Variants in ZNRF1 observed in about 807,000 individuals in gnomAD.
The protein encoded by ZNRF1 is zinc and ring finger 1.
Under a neutral mutation model 18.4 loss-of-function variants are expected in ZNRF1, and 3 were observed. The observed-to-expected ratio is 0.16, with a 90% confidence interval of 0.07 to 0.42. The LOEUF is 0.42. Ranked by LOEUF, ZNRF1 falls within the 10% of genes least tolerant of loss-of-function variation. The pLI, the probability that ZNRF1 is intolerant of heterozygous loss-of-function variation, is 0.99. For synonymous variants in ZNRF1, 157 were observed against 144.2 expected, an observed-to-expected ratio of 1.09 and a Z score of -0.64; for missense variants, 310 against 329.8, an observed-to-expected ratio of 0.94 and a Z score of 0.47.
At chr16:75,088,873 A>C (rs1364631970) in intron 1 of ZNRF1, among the ~76,000 whole-genome samples, 1 of 152,220 alleles carries the variant, frequency 6.6e-6, no homozygotes, top group East Asian at 1.9e-4. Context: ...GCAGAGGTTA[A>C]AGAGAGACTG....
At chr16:75,072,184 C>G (rs939375398) in intron 1 of ZNRF1, among the ~76,000 whole-genome samples, 1 of 152,008 alleles carries the variant, frequency 6.6e-6, no homozygotes, top group African/African-American at 2.4e-5. Context: ...GTTGCCCTGG[C>G]TGGTCTCGAA....
intron 1 of ZNRF1, among the ~76,000 whole-genome samples, chr16:75,009,513 C>G (rs1157658176): frequency 6.6e-6 from 1 of 152,178 alleles, no homozygotes; most frequent in African/African-American, 2.4e-5. Flanking sequence ...CCACGTTTTA[C>G]TTTTCCATTC....
At chr16:75,095,850 G>GT in intron 2 of ZNRF1, 1 of 1,179,530 alleles carries the variant, frequency 8.5e-7, no homozygotes, top group South Asian at 2.2e-5. Context: ...GGCGCTGTTG[G>GT]TTTACCCCCC....
chr16:75,078,221 G>C (rs1476133575), intron 1 of ZNRF1, among the ~76,000 whole-genome samples: 1 of 151,454 alleles, frequency 6.6e-6, no homozygotes, highest in Non-Finnish European at 1.5e-5. Flanking sequence ...CTGTAGCTCT[G>C]AGCCCAGATC....
At chr16:75,022,382 TG>T (rs2035162822) in intron 1 of ZNRF1, among the ~76,000 whole-genome samples, 1 of 151,234 alleles carries the variant, frequency 6.6e-6, no homozygotes, top group South Asian at 2.1e-4. Context: ...GCTAACATGG[TG>T]AAACCCCGTC....
rs1168944076 is a variant in ZNRF1 at position 75,039,377 on chromosome 16, C to T, written c.424+39282C>T. Among the ~76,000 whole-genome samples the T allele has an allele frequency of 2.6e-5, 4 of 152,096 alleles. No homozygotes were observed. In the East Asian group the frequency reaches 7.7e-4, roughly 29 times the overall value. On this transcript the variant is annotated intron_variant, in intron 1 of 4. Transcript: ENST00000335325. Reference sequence around the variant, plus strand: ...ATTTAGGGAGGCCAAAGGCAGAACCCTAAAGACTTTAGAACCACTTAAAAT... The same window carrying T: ...ATTTAGGGAGGCCAAAGGCAGAACCTTAAAGACTTTAGAACCACTTAAAAT...
chr16:75,047,507 G>T lies in ZNRF1; in HGVS notation c.425-46065G>T, dbSNP rs531859180. On this transcript the variant is annotated intron_variant, in intron 1 of 4. Transcript: ENST00000335325. ...CAAGGGGCAGTTAACTTGATTCCAC[G>T]TTTCCGTGGTTAGAAATAGAGTCAC... Among the ~76,000 whole-genome samples, 19 of 152,338 alleles carry T rather than the reference G, an allele frequency of 1.2e-4. 1 individual carries two copies. In the South Asian group the frequency reaches 3.9e-3, roughly 32 times the overall value.
chr16:75,097,467 C>T (rs2036212623), intron 2 of ZNRF1, among the ~76,000 whole-genome samples: 1 of 152,172 alleles, frequency 6.6e-6, no homozygotes, highest in South Asian at 2.1e-4. Context: ...TTCCTCCCCT[C>T]TGCCAAAGGC....
rs376990354 is a variant in ZNRF1 at position 75,000,861 on chromosome 16, C to A, written c.424+766C>A. 1.5e-4 allele frequency among the ~76,000 whole-genome samples: 23 copies of A among 152,294 alleles called. 2 individuals carry two copies. The highest frequency in any genetic ancestry group is 1.0e-3 in the South Asian group (5 of 4,818). The stretch of plus-strand genomic sequence containing the variant: ...TCTTTTTGTAACAGGGAGCCTGTCA[C>A]GGTGGGGCATTATTGCCTGGCTGTT... On this transcript the variant is annotated intron_variant, in intron 1 of 4. Transcript: ENST00000335325.
intron 1 of ZNRF1, among the ~76,000 whole-genome samples, chr16:75,038,378 G>A (rs1422697569): frequency 1.3e-5 from 2 of 152,116 alleles, no homozygotes; most frequent in African/African-American, 4.8e-5. Flanking sequence ...TGACTAGCTT[G>A]GCTTTTGTTA....
chr16:75,017,290 T>A (rs2035085060), intron 1 of ZNRF1, among the ~76,000 whole-genome samples: 1 of 152,230 alleles, frequency 6.6e-6, no homozygotes, highest in African/African-American at 2.4e-5. Flanking sequence ...AGTTTATCAA[T>A]AAGCCATTTT....
intron 1 of ZNRF1, among the ~76,000 whole-genome samples, chr16:75,032,298 G>A (rs567847647): frequency 2.5e-5 from 3 of 120,626 alleles, no homozygotes; most frequent in African/African-American, 7.5e-5. Context: ...TTGTAGAGAT[G>A]GGGTTTCACC....
chr16:75,031,083 AC>A, intron 1 of ZNRF1, among the ~76,000 whole-genome samples: 1 of 148,384 alleles, frequency 6.7e-6, no homozygotes. Context: ...TGATCCGCCC[AC>A]CTCAGCCTCC....
At position 75,110,891 on chromosome 16, in the gene ZNRF1, TG is replaced by T; in HGVS notation, c.*3193del. 6.7e-6 allele frequency: 1 copy of T among 150,250 alleles called. No homozygotes were observed. The highest frequency in any genetic ancestry group is 2.0e-4 in the East Asian group (1 of 5,060). 9.3% of individuals were successfully genotyped at this position (150,250 alleles called of 1,614,324 possible). ...GGTGATGAGCACACGCGTGCTGGGGTGGTTTGGGGAGAGGGCTGAGATTTGT... is the reference window on the plus strand; with the variant it reads ...GGTGATGAGCACACGCGTGCTGGGGTGTTTGGGGAGAGGGCTGAGATTTGT... On this transcript the variant is annotated 3_prime_UTR_variant, in exon 5 of 5. Coordinates refer to ENST00000335325, the MANE Select transcript of ZNRF1 (RefSeq NM_032268.5).
At chr16:75,075,071 C>G (rs1395120021) in intron 1 of ZNRF1, among the ~76,000 whole-genome samples, 11 of 149,754 alleles carry the variant, frequency 7.3e-5, no homozygotes, top group Non-Finnish European at 1.5e-4. Context: ...GCTTTTCCCC[C>G]CTATCTCTGG....
intron 2 of ZNRF1, among the ~76,000 whole-genome samples, chr16:75,103,064 G>C (rs2036271412): frequency 6.6e-6 from 1 of 152,164 alleles, no homozygotes; most frequent in African/African-American, 2.4e-5. Context: ...CCCTGGGCCT[G>C]CGCGTGAGAA....
intron 1 of ZNRF1, among the ~76,000 whole-genome samples, chr16:75,040,497 T>A (rs1378796124): frequency 4.6e-5 from 7 of 152,028 alleles, no homozygotes; most frequent in Non-Finnish European, 8.8e-5. Flanking sequence ...CTCTCTAGAT[T>A]TGCCTTTTCT....
intron 1 of ZNRF1, among the ~76,000 whole-genome samples, chr16:75,042,536 G>T (rs2035463438): frequency 6.7e-6 from 1 of 149,608 alleles, no homozygotes; most frequent in Non-Finnish European, 1.5e-5. Context: ...AATTCCCTTG[G>T]CAGAATCAAC....
At chr16:75,005,529 C>T (rs2034906044) in intron 1 of ZNRF1, among the ~76,000 whole-genome samples, 1 of 152,148 alleles carries the variant, frequency 6.6e-6, no homozygotes, top group Non-Finnish European at 1.5e-5. Flanking sequence ...GTGGTATTCA[C>T]CCCAAGCTTA....
Sources: gnomAD v4.1 joint callset for allele counts (sites outside exome capture counted in the v4.1 genomes callset) on GRCh38, gnomAD v4.1.1 for gene constraint, MANE v1.5 for transcripts, NCBI Gene and HGNC (gene_info 2026-07-23, HGNC 2026-07-21) for gene names.